The following GRID2 variants were observed in gnomAD, a reference collection of about 807,000 sequenced individuals.
The protein encoded by GRID2 is glutamate receptor ionotropic, delta-2.
Under a neutral mutation model 114.8 loss-of-function variants are expected in GRID2, and 33 were observed. The observed-to-expected ratio is 0.29, with a 90% confidence interval of 0.22 to 0.38. The LOEUF is 0.38. GRID2 is among the 10% of genes least tolerant of loss of function. The pLI, the probability that GRID2 is intolerant of heterozygous loss-of-function variation, is 1.00. For synonymous variants in GRID2, 505 were observed against 449.9 expected (o/e 1.12, Z -1.55); for missense variants, 1,184 against 1,257.7 (o/e 0.94, Z 0.89).
chr4:92,512,722 T>C (rs1014266902), intron 1 of GRID2, among the ~76,000 whole-genome samples: 1 of 151,882 alleles, frequency 6.6e-6, no homozygotes, highest in Non-Finnish European at 1.5e-5. Context: ...TCTACCTTAA[T>C]AGATATTTTA....
Position 93,626,430 on chromosome 4 carries a change from A to T in GRID2, c.2355A>T (p.Ser785=), listed in dbSNP as rs1455813395. Residue 785 remains serine, a synonymous_variant, in exon 14 of 16, where the codon TCA becomes TCT. Coordinates refer to ENST00000282020, the MANE Select transcript of GRID2 (RefSeq NM_001510.4). The stretch of plus-strand genomic sequence containing the variant: ...GCAGTCCTTACCGAGATGTTTTTTC[A>T]CAAAGGTAAGATTTGTGTATGACCA... ...QHGSPYRDVF[S]QRILELQQNG... is the part of the protein sequence containing the mutation. The T allele has an allele frequency of 6.2e-7, 1 of 1,601,966 alleles. No homozygotes were observed. Among genetic ancestry groups the T allele is most frequent in the Non-Finnish European group, 8.5e-7 (1 of 1,172,882 alleles).
intron 5 of GRID2, among the ~76,000 whole-genome samples, chr4:93,211,377 T>C (rs1743455547): frequency 6.6e-6 from 1 of 152,158 alleles, no homozygotes; most frequent in Non-Finnish European, 1.5e-5. Flanking sequence ...TTATGATTCA[T>C]GTTTTTAAAC....
chr4:92,845,310 C>T (rs1256967890), intron 2 of GRID2, among the ~76,000 whole-genome samples: 2 of 152,068 alleles, frequency 1.3e-5, no homozygotes, highest in Non-Finnish European at 2.9e-5. Context: ...AGCCCTGTAA[C>T]AATTTCCTGT....
At chr4:93,043,437 A>T (rs947393856) in intron 2 of GRID2, among the ~76,000 whole-genome samples, 1 of 152,200 alleles carries the variant, frequency 6.6e-6, no homozygotes, top group South Asian at 2.1e-4. Context: ...GTGAAAATGT[A>T]GGAAAGAGTA....
intron 2 of GRID2, among the ~76,000 whole-genome samples, chr4:92,626,710 T>C (rs1360297309): frequency 3.3e-5 from 5 of 152,032 alleles, no homozygotes; most frequent in Non-Finnish European, 7.4e-5. Context: ...TGTTATATCT[T>C]CAACCCATGC....
chr4:93,201,188 T>G (rs1220349294), intron 4 of GRID2, among the ~76,000 whole-genome samples: 2 of 152,204 alleles, frequency 1.3e-5, no homozygotes, highest in Non-Finnish European at 2.9e-5. Flanking sequence ...TTAATTATAT[T>G]TCTATATTCA....
At chr4:92,695,031 A>G (rs774014096) in intron 2 of GRID2, among the ~76,000 whole-genome samples, 43 of 152,056 alleles carry the variant, frequency 2.8e-4, no homozygotes, top group Non-Finnish European at 4.0e-4. Flanking sequence ...CAGTGGTGCA[A>G]TCTCGGCTCA....
At position 92,423,278 on chromosome 4, in the gene GRID2, T is replaced by A. The variant is rs532205159; in HGVS notation, c.88+118534T>A. The stretch of plus-strand genomic sequence containing the variant: ...AATGGAGTTAAGGATCATCCTAATT[T>A]TTTTAGCAAATAAGTGAGTTTTGGC... On this transcript the variant is annotated intron_variant, in intron 1 of 15. Transcript: ENST00000282020. Among the ~76,000 whole-genome samples, 7 of 152,262 alleles carry A rather than the reference T, an allele frequency of 4.6e-5. No individual in the cohort carries two copies. The South Asian group carries it at 6.2e-4, about 14-fold the overall frequency.
chr4:93,548,691 T>G (rs1182124588), intron 13 of GRID2, among the ~76,000 whole-genome samples: 1 of 152,168 alleles, frequency 6.6e-6, no homozygotes, highest in Non-Finnish European at 1.5e-5. Flanking sequence ...CATAGTCATA[T>G]TTTTTTAAGA....
chr4:92,502,705 CTTTTTTTTTTTTTTTT>C (rs70940901), intron 1 of GRID2, among the ~76,000 whole-genome samples: 1 of 63,944 alleles, frequency 1.6e-5, no homozygotes, highest in Non-Finnish European at 2.7e-5. Flanking sequence ...CATGTGATTT[CTTTTTTTTTTTTTTTT>C]TTTTTTTTTT....
chr4:93,566,540 C>T (rs1476309159), intron 13 of GRID2, among the ~76,000 whole-genome samples: 2 of 152,022 alleles, frequency 1.3e-5, no homozygotes. Flanking sequence ...AAGGCTGAGG[C>T]GGGTGGATTG....
intron 13 of GRID2, among the ~76,000 whole-genome samples, chr4:93,614,722 A>G (rs1318463062): frequency 6.6e-6 from 1 of 152,182 alleles, no homozygotes; most frequent in Non-Finnish European, 1.5e-5. Flanking sequence ...CTGATACAGC[A>G]GTTATTTTTA....
At chr4:93,397,674 C>T (rs28623385) in intron 9 of GRID2, among the ~76,000 whole-genome samples, 4,811 of 151,922 alleles carry the variant, frequency 0.032, 100 homozygotes, top group Non-Finnish European at 0.046. Flanking sequence ...ATGGTTGACC[C>T]TTGGTGTCTG....
intron 2 of GRID2, among the ~76,000 whole-genome samples, chr4:92,855,525 T>A (rs964855754): frequency 6.6e-6 from 1 of 152,020 alleles, no homozygotes; most frequent in East Asian, 1.9e-4. Flanking sequence ...ATTCTAGTCA[T>A]TCAAAATCTA....
At position 92,578,119 on chromosome 4, in the gene GRID2, CTTATTA is replaced by C. The variant is rs1170698686; in HGVS notation, c.89-12002_89-11997del. ...TCTTCTTCTTCTTCTTCTTCTTTTT[CTTATTA>C]TTATTATTACACTTTAAGTTTTAGG... On this transcript the variant is annotated intron_variant, in intron 1 of 15. Coordinates refer to ENST00000282020, the MANE Select transcript of GRID2 (RefSeq NM_001510.4). Among the ~76,000 whole-genome samples, 109 of 88,632 alleles carry C rather than the reference CTTATTA, an allele frequency of 1.2e-3. 1 individual carries two copies. The highest frequency in any genetic ancestry group is 1.9e-3 in the Non-Finnish European group (82 of 44,136). The allele number at this position is 88,632 out of a possible 152,430, so 58.1% of individuals were successfully genotyped here.
intron 2 of GRID2, among the ~76,000 whole-genome samples, chr4:92,689,891 C>G (rs1201189773): frequency 2.6e-5 from 4 of 152,252 alleles, no homozygotes; most frequent in South Asian, 2.1e-4. Context: ...CCTCACTCAG[C>G]CTTCACGTAA....
intron 1 of GRID2, among the ~76,000 whole-genome samples, chr4:92,580,081 G>C (rs1728106266): frequency 6.7e-6 from 1 of 148,162 alleles, no homozygotes; most frequent in South Asian, 2.1e-4. Context: ...AGTATAATTT[G>C]CTGTTATATA....
At chr4:93,163,399 T>TATGTATATATATATATAC in intron 4 of GRID2, among the ~76,000 whole-genome samples, 2 of 49,140 alleles carry the variant, frequency 4.1e-5, no homozygotes, top group African/African-American at 1.6e-4. Flanking sequence ...TATATATATA[T>TATGTATATATATATATAC]ACACTATATA....
rs1731830850 is a variant in GRID2, at chr4:93,102,863, A to AGT, written c.530-7880_530-7879dup. 5.3e-5 allele frequency among the ~76,000 whole-genome samples: 8 copies of AGT among 151,460 alleles called. 1 individual carries two copies. The highest frequency in any genetic ancestry group is 5.3e-4 in the Admixed American group (8 of 15,218). On this transcript the variant is annotated intron_variant, in intron 3 of 15. Transcript: ENST00000282020. ...AACCTAGTTTTCTTACACCAAATGCAGTGTGTTTTCCCCTAGATAAAGTTG... is the reference window on the plus strand; with the variant it reads ...AACCTAGTTTTCTTACACCAAATGCAGTGTGTGTTTTCCCCTAGATAAAGTTG...
Sources: gnomAD v4.1 joint callset for allele counts (sites outside exome capture counted in the v4.1 genomes callset) on GRCh38, gnomAD v4.1.1 for gene constraint, MANE v1.5 for transcripts, NCBI Gene and HGNC (gene_info 2026-07-23, HGNC 2026-07-21) for gene names.